Variants in MGLL observed in about 807,000 individuals in gnomAD.
MGLL encodes the protein monoglyceride lipase.
MGLL carries 7 observed loss-of-function variants against 29.1 expected under a neutral mutation model. The observed-to-expected ratio is 0.24, with a 90% CI of 0.14 to 0.45. MGLL has a LOEUF of 0.45. Among genes scored for constraint, MGLL ranks in the 20% least tolerant of loss-of-function variants. The probability of loss-of-function intolerance (pLI) is 0.99; values close to 1 mark genes in which losing one functional copy is unlikely to be tolerated. For missense variants in MGLL, 356 were observed against 413.6 expected (o/e 0.86, Z 1.21); for synonymous variants, 148 against 168.3 (o/e 0.88, Z 0.93).
intron 3 of MGLL, among the ~76,000 whole-genome samples, chr3:127,738,579 T>TGG (rs2076284110): frequency 6.6e-6 from 1 of 151,990 alleles, no homozygotes; most frequent in African/African-American, 2.4e-5. Flanking sequence ...TGGAGCACCC[T>TGG]GCAGCCTGGG....
chr3:127,720,800 T>G (rs576763686), intron 5 of MGLL, among the ~76,000 whole-genome samples: 1 of 152,354 alleles, frequency 6.6e-6, no homozygotes, highest in East Asian at 1.9e-4. Context: ...CCTCGTCTCC[T>G]TTTAAAATTC....
Position 127,793,785 on chromosome 3 carries a change from C to T in MGLL, c.156-11890G>A, listed in dbSNP as rs182213899. ...CCATGTTGGCCAGGCTGGTCTCAAC[C>T]TCCTGACCTCAGGTGACCCACCTGC... On this transcript the variant is annotated intron_variant, in intron 2 of 7. Coordinates refer to ENST00000265052, the MANE Select transcript of MGLL (RefSeq NM_007283.7). 3.9e-5 allele frequency among the ~76,000 whole-genome samples: 6 copies of T among 152,288 alleles called. No individual in the cohort carries two copies. The East Asian group carries it at 1.2e-3, about 29-fold the overall frequency.
chr3:127,795,309 G>A (rs77709800), intron 2 of MGLL, among the ~76,000 whole-genome samples: 3,963 of 152,136 alleles, frequency 0.026, 165 homozygotes, highest in African/African-American at 0.091. Flanking sequence ...AAACATGGTG[G>A]GGTTTTGCAT....
intron 6 of MGLL, among the ~76,000 whole-genome samples, chr3:127,705,016 A>G (rs1391363534): frequency 6.6e-6 from 1 of 152,366 alleles, no homozygotes; most frequent in Non-Finnish European, 1.5e-5. Flanking sequence ...TGTGGTACAT[A>G]TACATCATGG....
At chr3:127,756,410 TCATCACCCC>T (rs2076665489) in intron 3 of MGLL, among the ~76,000 whole-genome samples, 1 of 152,112 alleles carries the variant, frequency 6.6e-6, no homozygotes, top group African/African-American at 2.4e-5. Context: ...TTCTCTGCTT[TCATCACCCC>T]AGGGCCAGAT....
Position 127,822,430 on chromosome 3 carries a change from A to G in MGLL, c.-112T>C, listed in dbSNP as rs567205284. 830 of 1,160,400 alleles carry G rather than the reference A, an allele frequency of 7.2e-4. 1 individual carries two copies. The highest frequency in any genetic ancestry group is 9.2e-4 in the Non-Finnish European group (715 of 777,602). The allele number at this position is 1,160,400 out of a possible 1,614,324, so 71.9% of individuals were successfully genotyped here. On this transcript the variant is annotated 5_prime_UTR_variant, in exon 1 of 8. Coordinates refer to ENST00000265052, the MANE Select transcript of MGLL (RefSeq NM_007283.7). ...CCAAGGCAGCAGGAAGGCAGCTCCG[A>G]GCCCTCTTCCCGCACCCAGACCCTG...
chr3:127,694,852 C>T, intron 7 of MGLL, 123 bp downstream of exon 7: 1 of 871,924 alleles, frequency 1.1e-6, no homozygotes, highest in Non-Finnish European at 1.9e-6. Flanking sequence ...GTCAAGCAGG[C>T]TGGTCCCTAT....
chr3:127,695,809 G>T (rs1300992194), intron 6 of MGLL, among the ~76,000 whole-genome samples: 1 of 152,182 alleles, frequency 6.6e-6, no homozygotes, highest in East Asian at 1.9e-4. Context: ...ATAAGCAGCA[G>T]CATATTGTTC....
At chr3:127,744,470 G>A (rs554796125) in intron 3 of MGLL, among the ~76,000 whole-genome samples, 2 of 152,308 alleles carry the variant, frequency 1.3e-5, no homozygotes, top group African/African-American at 4.8e-5. Context: ...CTCATGAAAT[G>A]TTAGGGCTCT....
At chr3:127,732,570 C>T (rs1013337433) in intron 3 of MGLL, among the ~76,000 whole-genome samples, 19 of 152,240 alleles carry the variant, frequency 1.2e-4, no homozygotes, top group Admixed American at 1.2e-3. Context: ...CTTCCCTACA[C>T]GCCCAGACCC....
chr3:127,801,631 A>G (rs2077481344), intron 2 of MGLL, among the ~76,000 whole-genome samples: 1 of 152,076 alleles, frequency 6.6e-6, no homozygotes, highest in Non-Finnish European at 1.5e-5. Context: ...ATAAAATACA[A>G]TAAAACAAAA....
In MGLL at chr3:127,793,733, TG is replaced by T. The variant is rs2077338773; in HGVS notation, c.156-11839del. 6.6e-5 allele frequency among the ~76,000 whole-genome samples: 10 copies of T among 152,142 alleles called. No individual in the cohort carries two copies. The South Asian group carries it at 2.1e-3, about 32-fold the overall frequency. On this transcript the variant is annotated intron_variant, in intron 2 of 7. Transcript: ENST00000265052. ...CCTGCCACCACGCCCAGCTAATTTTTGTATTTTTAGTACAGACGGGGTTTCA... is the reference window on the plus strand; with the variant it reads ...CCTGCCACCACGCCCAGCTAATTTTTTATTTTTAGTACAGACGGGGTTTCA...
At chr3:127,783,233 G>A (rs1306253963) in intron 2 of MGLL, among the ~76,000 whole-genome samples, 4 of 150,096 alleles carry the variant, frequency 2.7e-5, no homozygotes, top group Non-Finnish European at 3.0e-5. Context: ...GTATGTTGCC[G>A]CTGGCTGTCT....
intron 2 of MGLL, among the ~76,000 whole-genome samples, chr3:127,811,787 A>G (rs1438603373): frequency 6.6e-6 from 1 of 152,266 alleles, no homozygotes; most frequent in Non-Finnish European, 1.5e-5. Flanking sequence ...GATCCCACCA[A>G]CAGCCTGCCA....
rs1189151911 is a variant in MGLL, at chr3:127,719,440, C to T, written c.510+1613G>A. On this transcript the variant is annotated intron_variant, in intron 5 of 7. Coordinates refer to ENST00000265052, the MANE Select transcript of MGLL (RefSeq NM_007283.7). ...GGCCAGCCATTCATCTTTCCTAAGC[C>T]CAGGTTTTCCCATCTGGAAAGTGCT... Among the ~76,000 whole-genome samples, 3 of 152,254 alleles carry T rather than the reference C, an allele frequency of 2.0e-5. No homozygotes were observed. The East Asian group carries it at 5.8e-4, about 29-fold the overall frequency.
At chr3:127,784,766 G>A (rs1006062806) in intron 2 of MGLL, among the ~76,000 whole-genome samples, 5 of 152,114 alleles carry the variant, frequency 3.3e-5, no homozygotes, top group South Asian at 2.1e-4. Context: ...CCTGGACCCC[G>A]ATTCAGATAA....
chr3:127,820,990 A>T (rs1361567049), intron 2 of MGLL, among the ~76,000 whole-genome samples: 1 of 152,240 alleles, frequency 6.6e-6, no homozygotes, highest in African/African-American at 2.4e-5. Flanking sequence ...CCTACAAAAC[A>T]GGTAAAATGT....
intron 3 of MGLL, among the ~76,000 whole-genome samples, chr3:127,771,495 C>G (rs557839616): frequency 6.6e-6 from 1 of 152,234 alleles, no homozygotes; most frequent in South Asian, 2.1e-4. Flanking sequence ...TAGCTGAGAT[C>G]ATAGGCATGC....
chr3:127,764,465 C>G (rs539234541), intron 3 of MGLL, among the ~76,000 whole-genome samples: 1 of 152,168 alleles, frequency 6.6e-6, no homozygotes, highest in East Asian at 1.9e-4. Context: ...GACGGAAAGC[C>G]CCCAGGAGAG....
Sources: allele counts gnomAD v4.1 joint callset (sites outside exome capture counted in the v4.1 genomes callset), GRCh38; gene constraint gnomAD v4.1.1; transcripts MANE v1.5; gene names NCBI Gene and HGNC (gene_info 2026-07-23, HGNC 2026-07-21).